The following RGS20 variants were observed in gnomAD, a reference collection of about 807,000 sequenced individuals.
RGS20 encodes gz-selective GTPase-activating protein.
Under a neutral mutation model 33.6 loss-of-function variants are expected in RGS20, and 30 were observed. The observed-to-expected ratio is 0.89, with a 90% CI of 0.67 to 1.21. RGS20 has a LOEUF of 1.21. Ranked by LOEUF, RGS20 falls within the 50% of genes most tolerant of loss-of-function variation. The pLI is 0.00. For missense variants in RGS20, 472 were observed against 502.4 expected, an observed-to-expected ratio of 0.94 and a Z score of 0.58; for synonymous variants, 208 against 197.9, an observed-to-expected ratio of 1.05 and a Z score of -0.43.
intron 2 of RGS20, chr8:53,914,037 C>CTTTTTTTTTTT (rs35840682): frequency 0.29 from 39,731 of 135,022 alleles, 6,751 homozygotes; most frequent in African/African-American, 0.44. Context: ...TCCAATCTCT[C>CTTTTTTTTTTT]TTTTTTTTTT....
chr8:53,954,528 G>T, intron 5 of RGS20, among the ~76,000 whole-genome samples: 1 of 151,758 alleles, frequency 6.6e-6, no homozygotes, highest in East Asian at 2.0e-4. Flanking sequence ...GCCTGGTGTG[G>T]TCATGGGCGC....
intron 1 of RGS20, among the ~76,000 whole-genome samples, chr8:53,874,165 C>A (rs2129272254): frequency 6.6e-6 from 1 of 152,180 alleles, no homozygotes; most frequent in East Asian, 1.9e-4. Context: ...TCCAACAAAG[C>A]AAGACTCCGT....
At chr8:53,957,992 C>T (rs536808219) in intron 5 of RGS20, among the ~76,000 whole-genome samples, 2 of 151,948 alleles carry the variant, frequency 1.3e-5, no homozygotes, top group African/African-American at 4.8e-5. Flanking sequence ...AAAAGTTAGC[C>T]GGGTGTGGTG....
chr8:53,937,256 C>A (rs552906054), intron 2 of RGS20, among the ~76,000 whole-genome samples: 1 of 151,560 alleles, frequency 6.6e-6, no homozygotes, highest in Non-Finnish European at 1.5e-5. Flanking sequence ...CAAACCTGCA[C>A]GTTGTGCACA....
intron 2 of RGS20, among the ~76,000 whole-genome samples, chr8:53,920,204 C>T (rs1161001328): frequency 2.0e-5 from 3 of 152,132 alleles, no homozygotes; most frequent in South Asian, 2.1e-4. Context: ...TTTCAACAAT[C>T]GTTTTGTGGT....
intron 3 of RGS20, 74 bp downstream of exon 2, chr8:53,939,798 C>A: frequency 6.9e-7 from 1 of 1,456,606 alleles, no homozygotes; most frequent in East Asian, 2.6e-5. Context: ...GGACGTGGCA[C>A]CCCTGAAAGT....
At position 53,853,246 on chromosome 8, in the gene RGS20, G is replaced by A. The variant is rs192772876; in HGVS notation, c.165+1182G>A. Among the ~76,000 whole-genome samples, 8 of 152,312 alleles carry A rather than the reference G, an allele frequency of 5.3e-5. No homozygotes were observed. The East Asian group carries it at 1.3e-3, about 26-fold the overall frequency. ...CCATTGTATGGTGCATATGTATGCT[G>A]TTGTATATGTGTGTATGTATATGCA... is the stretch of plus-strand genomic sequence containing the variant. On this transcript the variant is annotated intron_variant, in intron 1 of 5. Coordinates refer to ENST00000297313, the MANE Select transcript of RGS20 (RefSeq NM_170587.4).
intron 2 of RGS20, among the ~76,000 whole-genome samples, chr8:53,914,445 C>T (rs1813429156): frequency 6.6e-6 from 1 of 152,176 alleles, no homozygotes; most frequent in African/African-American, 2.4e-5. Context: ...CCCTTCATGT[C>T]CCTGCCCCCA....
chr8:53,863,818 C>T (rs1379210479), intron 1 of RGS20, among the ~76,000 whole-genome samples: 1 of 151,066 alleles, frequency 6.6e-6, no homozygotes, highest in African/African-American at 2.4e-5. Flanking sequence ...CCTCTGCTTC[C>T]CCGGTTCAAG....
In RGS20 at chr8:53,947,670, G is replaced by A. The variant is rs1461827751; in HGVS notation, c.743+922G>A. On this transcript the variant is annotated intron_variant, in intron 4 of 5. Transcript: ENST00000297313. ...ATACATTTATATATGCTATATATAG[G>A]ATATAGTACATACATTTATATATGC... Among the ~76,000 whole-genome samples, 268 of 85,608 alleles carry A rather than the reference G, an allele frequency of 3.1e-3. 1 individual carries two copies. The highest frequency in any genetic ancestry group is 4.4e-3 in the Non-Finnish European group (210 of 47,322). 56.2% of individuals were successfully genotyped at this position (85,608 alleles called of 152,430 possible). A position where few individuals can be genotyped will look rare whatever the true frequency, so the allele number is the denominator to read the frequency against.
chr8:53,927,794 G>C (rs1252656703), intron 2 of RGS20, among the ~76,000 whole-genome samples: 6 of 152,174 alleles, frequency 3.9e-5, no homozygotes, highest in African/African-American at 9.6e-5. Flanking sequence ...CCACAGATAT[G>C]ATGAAGGCAA....
Position 53,877,777 on chromosome 8 carries a change from G to A in RGS20, c.166-1481G>A. Among the ~76,000 whole-genome samples, 1 of 152,234 alleles carries A rather than the reference G, an allele frequency of 6.6e-6. No individual in the cohort carries two copies. The highest frequency in any genetic ancestry group is 1.5e-5 in the Non-Finnish European group (1 of 68,038). On this transcript the variant is annotated intron_variant, in intron 1 of 5. Transcript: ENST00000297313. This position sits in a 1 kb window ranked among gnomAD's most constrained non-coding sequence, Gnocchi z 5.7. ...ATGCAAACCGAGTTCAACTCACCCA[G>A]GAGCAAACAAACGACAGCAAGACAA...
At chr8:53,946,332 G>A (rs538677364) in intron 3 of RGS20, among the ~76,000 whole-genome samples, 1 of 152,126 alleles carries the variant, frequency 6.6e-6, no homozygotes, top group East Asian at 1.9e-4. Flanking sequence ...CAAAGTGCTG[G>A]GGTTACAGGC....
chr8:53,913,943 G>A (rs1184869312), intron 2 of RGS20: 1 of 152,082 alleles, frequency 6.6e-6, no homozygotes, highest in Non-Finnish European at 1.5e-5. Flanking sequence ...CACTTACTGA[G>A]CTCTGGCACC....
At chr8:53,895,294 T>C (rs1434935783) in intron 2 of RGS20, among the ~76,000 whole-genome samples, 1 of 152,080 alleles carries the variant, frequency 6.6e-6, no homozygotes, top group Non-Finnish European at 1.5e-5. Flanking sequence ...ACCCTAGAGA[T>C]GTCCAGGAGA....
At chr8:53,889,427 T>C (rs1205955493) in intron 2 of RGS20, among the ~76,000 whole-genome samples, 1,465 of 106,928 alleles carry the variant, frequency 0.014, 112 homozygotes, top group African/African-American at 0.036. Context: ...TTTTTTTTTT[T>C]TTTTTTTTTT....
intron 4 of RGS20, among the ~76,000 whole-genome samples, chr8:53,949,760 C>G (rs1352544169): frequency 6.6e-6 from 1 of 151,640 alleles, no homozygotes; most frequent in South Asian, 2.1e-4. Flanking sequence ...AAAGAAAAAG[C>G]TATAGATGCT....
intron 1 of RGS20, among the ~76,000 whole-genome samples, chr8:53,866,928 T>C (rs1034683452): frequency 6.6e-6 from 1 of 152,070 alleles, no homozygotes; most frequent in East Asian, 1.9e-4. Flanking sequence ...CGTGTGTGTG[T>C]CCTAAGAGAG....
intron 3 of RGS20, among the ~76,000 whole-genome samples, chr8:53,942,650 A>G (rs1002593847): frequency 3.9e-5 from 6 of 152,096 alleles, no homozygotes; most frequent in African/African-American, 1.4e-4. Flanking sequence ...TATACAATCC[A>G]CTACCATACA....
Sources: gnomAD v4.1 joint callset for allele counts (sites outside exome capture counted in the v4.1 genomes callset) on GRCh38, gnomAD v4.1.1 for gene constraint, Gnocchi (gnomAD v3.1) non-coding constraint, MANE v1.5 for transcripts, NCBI Gene and HGNC (gene_info 2026-07-23, HGNC 2026-07-21) for gene names.